Variants in CADPS2 observed in about 807,000 individuals in gnomAD.
The protein encoded by CADPS2 is calcium dependent secretion activator 2, also known as calcium-dependent secretion activator 2.
Under a neutral mutation model 172.5 loss-of-function variants are expected in CADPS2, and 93 were observed. That is an observed-to-expected ratio of 0.54 (90% confidence interval 0.46 to 0.64). The LOEUF is 0.64. CADPS2 is among the 30% of genes least tolerant of loss of function. The pLI is 0.00. For missense variants in CADPS2, 1,420 were observed against 1,565.9 expected (o/e 0.91, Z 1.57); for synonymous variants, 546 against 555.2 (o/e 0.98, Z 0.23).
At chr7:122,481,027 A>G (rs530213201) in intron 11 of CADPS2, among the ~76,000 whole-genome samples, 167 bp from the exon 12 acceptor site, 1 of 152,262 alleles carries the variant, frequency 6.6e-6, no homozygotes, top group African/African-American at 2.4e-5. Flanking sequence ...TTGATTATGT[A>G]AGTCAATGGA....
chr7:122,855,435 A>T (rs1475427411), intron 1 of CADPS2, among the ~76,000 whole-genome samples: 1 of 152,218 alleles, frequency 6.6e-6, no homozygotes, highest in East Asian at 1.9e-4. Flanking sequence ...TTCCAAACAC[A>T]AATAAAGTGT....
chr7:122,806,112 G>A (rs1798746035), intron 1 of CADPS2, among the ~76,000 whole-genome samples: 1 of 152,048 alleles, frequency 6.6e-6, no homozygotes, highest in Non-Finnish European at 1.5e-5. Context: ...TTCTTAATGT[G>A]GCAGTCACAA....
At chr7:122,729,610 C>T (rs932980245) in intron 2 of CADPS2, among the ~76,000 whole-genome samples, 5 of 148,644 alleles carry the variant, frequency 3.4e-5, no homozygotes, top group Non-Finnish European at 7.4e-5. Flanking sequence ...TTTTCATATA[C>T]ATGTTGGCCA....
intron 7 of CADPS2, among the ~76,000 whole-genome samples, chr7:122,565,055 T>C (rs1473873136): frequency 2.0e-5 from 3 of 151,996 alleles, no homozygotes; most frequent in East Asian, 1.9e-4. Context: ...AAGGGAATAA[T>C]AGACACTGGA....
intron 17 of CADPS2, chr7:122,420,838 A>G (rs1417472572): frequency 2.0e-5 from 3 of 152,178 alleles, no homozygotes; most frequent in African/African-American, 7.2e-5. Context: ...GTTTTCTGTA[A>G]CACTCCTTGG....
At chr7:122,415,360 C>T (rs753719924) in intron 18 of CADPS2, among the ~76,000 whole-genome samples, 14 of 152,026 alleles carry the variant, frequency 9.2e-5, no homozygotes, top group East Asian at 7.8e-4. Flanking sequence ...CATTGTAAGA[C>T]GGGTTTGTGT....
intron 2 of CADPS2, among the ~76,000 whole-genome samples, chr7:122,701,016 C>A (rs1259963420): frequency 6.6e-6 from 1 of 151,718 alleles, no homozygotes; most frequent in Non-Finnish European, 1.5e-5. Flanking sequence ...CATGGAGAAT[C>A]AGAGATATAA....
chr7:122,665,104 C>T (rs2081052719), intron 2 of CADPS2, among the ~76,000 whole-genome samples: 1 of 151,948 alleles, frequency 6.6e-6, no homozygotes, highest in South Asian at 2.1e-4. Flanking sequence ...CTGGCCTCAA[C>T]TTTTACCCTA....
chr7:122,814,335 A>G (rs1197069294), intron 1 of CADPS2, among the ~76,000 whole-genome samples: 1 of 152,096 alleles, frequency 6.6e-6, no homozygotes, highest in Non-Finnish European at 1.5e-5. Context: ...AGCTCAAAAC[A>G]AACAGATTTT....
intron 2 of CADPS2, among the ~76,000 whole-genome samples, chr7:122,727,764 C>T (rs1359548030): frequency 6.6e-6 from 1 of 151,838 alleles, no homozygotes; most frequent in Non-Finnish European, 1.5e-5. Context: ...ATATTGTATA[C>T]AACAATAGGA....
chr7:122,579,656 TAATAA>T (rs1291434368), intron 7 of CADPS2, among the ~76,000 whole-genome samples: 2 of 151,654 alleles, frequency 1.3e-5, no homozygotes, highest in African/African-American at 4.8e-5. Context: ...AAAATTAATA[TAATAA>T]TAGTTTAAAT....
At chr7:122,354,963 T>C (rs950777745) in intron 27 of CADPS2, among the ~76,000 whole-genome samples, 1 of 152,182 alleles carries the variant, frequency 6.6e-6, no homozygotes, top group African/African-American at 2.4e-5. Flanking sequence ...TCCTACCAAC[T>C]TCTTTGTGAA....
intron 3 of CADPS2, among the ~76,000 whole-genome samples, chr7:122,637,944 A>G (rs1408062668): frequency 6.6e-6 from 1 of 151,998 alleles, no homozygotes; most frequent in East Asian, 1.9e-4. Flanking sequence ...AATGTTTTTG[A>G]TGTTTCATTT....
intron 16 of CADPS2, chr7:122,440,418 A>C (rs2051197812): frequency 6.6e-6 from 1 of 152,234 alleles, no homozygotes; most frequent in Non-Finnish European, 1.5e-5. Flanking sequence ...ATACTTTGAA[A>C]AATCTGAGTT....
chr7:122,771,027 C>A (rs985039555), intron 1 of CADPS2, among the ~76,000 whole-genome samples: 11 of 152,244 alleles, frequency 7.2e-5, no homozygotes, highest in Non-Finnish European at 1.3e-4. Flanking sequence ...TTTTATCCTG[C>A]TGCAGAGTTA....
chr7:122,410,146 C>T (rs2047123810), intron 19 of CADPS2, among the ~76,000 whole-genome samples: 2 of 152,152 alleles, frequency 1.3e-5, no homozygotes, highest in East Asian at 1.9e-4. Flanking sequence ...GAGCTCGAGA[C>T]CAGCCTGGCC....
chr7:122,335,281 G>A (rs1053111087), intron 28 of CADPS2, among the ~76,000 whole-genome samples: 2 of 151,974 alleles, frequency 1.3e-5, no homozygotes. Context: ...ATGGAGTCTC[G>A]CTCTGTCACC....
At chr7:122,650,506 T>A (rs952495315) in intron 3 of CADPS2, among the ~76,000 whole-genome samples, 1 of 152,088 alleles carries the variant, frequency 6.6e-6, no homozygotes, top group Non-Finnish European at 1.5e-5. Flanking sequence ...CTAATTTCCA[T>A]GGAGCAGAAT....
At chr7:122,707,579 T>G (rs942235665) in intron 2 of CADPS2, among the ~76,000 whole-genome samples, 1 of 151,902 alleles carries the variant, frequency 6.6e-6, no homozygotes. Context: ...TCATGAGAGC[T>G]CTCTAGGAAT....
Sources: allele counts gnomAD v4.1 joint callset (sites outside exome capture counted in the v4.1 genomes callset), GRCh38; gene constraint gnomAD v4.1.1; transcripts MANE v1.5; gene names NCBI Gene and HGNC (gene_info 2026-07-23, HGNC 2026-07-21).